The following SPG11 variants were observed in gnomAD, a reference collection of about 807,000 sequenced individuals.
SPG11 encodes spatacsin.
Under a neutral mutation model 274.0 loss-of-function variants are expected in SPG11, and 222 were observed. The ratio of observed to expected loss-of-function variants is 0.81; its 90% CI spans 0.73 to 0.91. The LOEUF (loss-of-function observed/expected upper bound fraction) is 0.91. Among genes scored for constraint, SPG11 ranks in the 40% least tolerant of loss-of-function variants. The pLI is 0.00. For missense variants in SPG11, 3,114 were observed against 2,872.7 expected (o/e 1.08, Z -1.92); for synonymous variants, 1,144 against 1,039.7 (o/e 1.10, Z -1.93).
chr15:44,662,650 TAAAAAAAAAA>T (rs527806518), intron 1 of SPG11, among the ~76,000 whole-genome samples: 1,477 of 91,204 alleles, frequency 0.016, 36 homozygotes, highest in East Asian at 0.06. Context: ...ACCTTATCTT[TAAAAAAAAAA>T]AAAAAAAAAA....
chr15:44,656,642 T>A (rs537270755), intron 4 of SPG11, among the ~76,000 whole-genome samples: 7 of 152,276 alleles, frequency 4.6e-5, no homozygotes, highest in African/African-American at 1.7e-4. Flanking sequence ...CAAATATTGA[T>A]AATGCCTAGG....
At chr15:44,594,488 G>T (rs1009947535) in intron 26 of SPG11, among the ~76,000 whole-genome samples, 8 of 150,700 alleles carry the variant, frequency 5.3e-5, no homozygotes, top group African/African-American at 1.9e-4. Flanking sequence ...ACTGATGCCT[G>T]TAATCCCAGT....
At chr15:44,606,924 A>G (rs887107957) in intron 19 of SPG11, among the ~76,000 whole-genome samples, 24 of 152,206 alleles carry the variant, frequency 1.6e-4, no homozygotes, top group Non-Finnish European at 3.4e-4. Context: ...TTTGCCTGGG[A>G]AAAAACAAGA....
chr15:44,625,662 C>G (rs2083878208), intron 11 of SPG11, among the ~76,000 whole-genome samples: 1 of 152,048 alleles, frequency 6.6e-6, no homozygotes, highest in East Asian at 1.9e-4. Flanking sequence ...TACCCAGTCT[C>G]AGGTAGTTCA....
chr15:44,596,878 T>A lies in SPG11; in HGVS notation c.4067A>T (p.Lys1356Ile). ...TTCTCTAAGGTAAGATATGCTTAGT[T>A]TCATATTGTGTAGCCTGCAGAACTG... ...VVQFCRLHNM[K>I]LSISYLRECA... is the part of the protein sequence containing the mutation. Residue 1356 changes from lysine to isoleucine, a missense_variant, in exon 24 of 40, where the codon AAA (lysine) becomes ATA (isoleucine). By Grantham distance (102) the Lys-to-Ile change is moderately radical. Transcript: ENST00000261866. 1 of 1,613,990 alleles carries A rather than the reference T, an allele frequency of 6.2e-7. No individual in the cohort carries two copies. The highest frequency in any genetic ancestry group is 8.5e-7 in the Non-Finnish European group (1 of 1,179,976).
chr15:44,622,204 G>A lies in SPG11; in HGVS notation c.2444+16C>T, dbSNP rs762077094. ...ACGGTATTCTAATATTATCAAAAGAGGACTAATGAGACTACCTGGGAAATG... is the reference window on the plus strand; with the variant it reads ...ACGGTATTCTAATATTATCAAAAGAAGACTAATGAGACTACCTGGGAAATG... On this transcript the variant is annotated intron_variant, in intron 13 of 39. Coordinates refer to ENST00000261866, the MANE Select transcript of SPG11 (RefSeq NM_025137.4). 1.9e-6 allele frequency: 3 copies of A among 1,609,254 alleles called. No individual in the cohort carries two copies. The highest frequency in any genetic ancestry group is 2.6e-6 in the Non-Finnish European group (3 of 1,176,324).
At chr15:44,596,039 T>C (rs1192954410) in intron 25 of SPG11, 44 bp downstream of exon 25, 5 of 1,610,246 alleles carry the variant, frequency 3.1e-6, no homozygotes, top group Non-Finnish European at 3.4e-6. Context: ...TTACTTATTC[T>C]ATTGTTCTCT....
In SPG11 at chr15:44,636,374, C is replaced by T. The variant is rs1043678431; in HGVS notation, c.1603-2737G>A. Among the ~76,000 whole-genome samples, 4 of 150,820 alleles carry T rather than the reference C, an allele frequency of 2.7e-5. No individual in the cohort carries two copies. In the East Asian group the frequency reaches 5.8e-4, roughly 22 times the overall value. Reference sequence around the variant, plus strand: ...TATTCTTGTTCTTATGATATATATACTAAAGTACTTAGAGTGAAGGATTAT... The same window carrying T: ...TATTCTTGTTCTTATGATATATATATTAAAGTACTTAGAGTGAAGGATTAT... On this transcript the variant is annotated intron_variant, in intron 7 of 39. Transcript: ENST00000261866.
chr15:44,653,872 A>ATT (rs960569744), intron 4 of SPG11, among the ~76,000 whole-genome samples: 1 of 150,802 alleles, frequency 6.6e-6, no homozygotes. Flanking sequence ...CACTTATATG[A>ATT]TTTTTTTTTT....
At chr15:44,615,979 T>C (rs1016603380) in intron 15 of SPG11, among the ~76,000 whole-genome samples, 2 of 152,176 alleles carry the variant, frequency 1.3e-5, no homozygotes, top group African/African-American at 2.4e-5. Flanking sequence ...TGAACAAGAA[T>C]AGAAATCTGC....
chr15:44,563,229 A>C lies in SPG11; in HGVS notation c.7224T>G (p.Val2408=). 1 of 1,614,164 alleles carries C rather than the reference A, an allele frequency of 6.2e-7. No individual in the cohort carries two copies. Among genetic ancestry groups the C allele is most frequent in the Non-Finnish European group, 8.5e-7 (1 of 1,179,964 alleles). Residue 2408 remains valine, a synonymous_variant, in exon 40 of 40, where the codon GTT becomes GTG. Coordinates refer to ENST00000261866, the MANE Select transcript of SPG11 (RefSeq NM_025137.4). ...CGTATGCCAACTTGTAATACAGGTA[A>C]ACATCTTCACAATATGTGAGTAATT... The part of the protein sequence containing the change: ...LKKLLTYCED[V]YLYYKLAYEH...
At chr15:44,598,164 G>A in intron 23 of SPG11, 101 bp downstream of exon 23, 4 of 785,368 alleles carry the variant, frequency 5.1e-6, no homozygotes, top group South Asian at 1.4e-5. Flanking sequence ...GGTCTAGGGG[G>A]ATTTAGTGAA....
intron 28 of SPG11, among the ~76,000 whole-genome samples, chr15:44,587,718 A>AC (rs1451118700): frequency 1.3e-5 from 2 of 148,638 alleles, no homozygotes; most frequent in African/African-American, 5.1e-5. Context: ...AAAAAAAAAA[A>AC]AACGTATTCC....
At chr15:44,577,368 T>C (rs150606094) in intron 30 of SPG11, among the ~76,000 whole-genome samples, 88 of 151,420 alleles carry the variant, frequency 5.8e-4, no homozygotes, top group Non-Finnish European at 1.1e-3. Context: ...CTGGGGATGG[T>C]AGTGTGCACC....
At chr15:44,657,489 T>C (rs1050434438) in intron 3 of SPG11, among the ~76,000 whole-genome samples, 193 bp from the exon 4 acceptor site, 2 of 152,142 alleles carry the variant, frequency 1.3e-5, no homozygotes, top group Admixed American at 1.3e-4. Context: ...AAGAACCTGA[T>C]ACCAAGTTCT....
intron 1 of SPG11, among the ~76,000 whole-genome samples, chr15:44,662,481 AAC>A (rs1279433035): frequency 6.6e-6 from 1 of 151,964 alleles, no homozygotes; most frequent in African/African-American, 2.4e-5. Context: ...TAGCCTAGGC[AAC>A]ACAGTGAGAC....
At chr15:44,647,456 T>C (rs980432834) in intron 7 of SPG11, among the ~76,000 whole-genome samples, 1 of 152,142 alleles carries the variant, frequency 6.6e-6, no homozygotes, top group African/African-American at 2.4e-5. Context: ...ACACAAAAAC[T>C]TGTACACAAA....
chr15:44,607,705 T>C (rs1370484512), intron 19 of SPG11, among the ~76,000 whole-genome samples: 1 of 152,248 alleles, frequency 6.6e-6, no homozygotes, highest in Non-Finnish European at 1.5e-5. Context: ...CTGAATAGGC[T>C]TCAGGAAGTC....
At chr15:44,587,556 G>A (rs2082793560) in intron 28 of SPG11, among the ~76,000 whole-genome samples, 1 of 151,814 alleles carries the variant, frequency 6.6e-6, no homozygotes, top group Admixed American at 6.6e-5. Context: ...CAGGTGTGGT[G>A]GTGTGTGCCT....
Sources: gnomAD v4.1 joint callset for allele counts (sites outside exome capture counted in the v4.1 genomes callset) on GRCh38, gnomAD v4.1.1 for gene constraint, MANE v1.5 for transcripts, NCBI Gene and HGNC (gene_info 2026-07-23, HGNC 2026-07-21) for gene names.